Variants in TECR observed in about 807,000 individuals in gnomAD.
TECR encodes trans-2,3-enoyl-CoA reductase, also known as very-long-chain enoyl-CoA reductase.
Under a neutral mutation model 50.6 loss-of-function variants are expected in TECR, and 19 were observed. That is an observed-to-expected ratio of 0.38 (90% CI 0.26 to 0.55). The LOEUF (loss-of-function observed/expected upper bound fraction) is 0.55. TECR is among the 20% of genes least tolerant of loss of function. The pLI is 0.79. For missense variants in TECR, 313 were observed against 408.3 expected, an observed-to-expected ratio of 0.77 and a Z score of 2.01; for synonymous variants, 168 against 163.5, an observed-to-expected ratio of 1.03 and a Z score of -0.21.
chr19:14,529,623 T>A lies in TECR; in HGVS notation c.-74T>A, dbSNP rs561305115. On this transcript the variant is annotated 5_prime_UTR_variant, in exon 1 of 13. Transcript: ENST00000215567. The stretch of plus-strand genomic sequence containing the variant: ...AGTCTATCGCTGCGGTTGCGAGCGC[T>A]GTAGGGAGCCTGTGCTGTGCCGCGC... The A allele has an allele frequency of 1.2e-6, 2 of 1,610,572 alleles. No individual in the cohort carries two copies. Among genetic ancestry groups the A allele is most frequent in the Admixed American group, 1.7e-5 (1 of 60,006 alleles).
chr19:14,537,435 A>G (rs1206017825), intron 1 of TECR, among the ~76,000 whole-genome samples: 2 of 137,302 alleles, frequency 1.5e-5, no homozygotes, highest in African/African-American at 5.2e-5. Context: ...CTTCTGGACT[A>G]ACTGGTTCCT....
upstream of TECR, chr19:14,529,510 G>A (rs774759186): frequency 2.6e-6 from 2 of 768,670 alleles, no homozygotes; most frequent in South Asian, 2.9e-5. Context: ...GCCCCAAGGA[G>A]CAGGGGCGAA....
Position 14,563,324 on chromosome 19 carries a change from A to ATCCC in TECR, c.118+68_118+71dup. On this transcript the variant is annotated intron_variant, in intron 3 of 12. Coordinates refer to ENST00000215567, the MANE Select transcript of TECR (RefSeq NM_138501.6). The surrounding 1 kb of genome is among the most constrained non-coding windows in gnomAD (Gnocchi z 5.3). ...GACCAGGGACCTTAGGGTGGGAGGGATCCCATCCTGCACCCCTCTCCCAGG... is the reference window on the plus strand; with the variant it reads ...GACCAGGGACCTTAGGGTGGGAGGGATCCCTCCCATCCTGCACCCCTCTCCCAGG... The ATCCC allele has an allele frequency of 2.9e-6, 4 of 1,397,138 alleles. No homozygotes were observed. The highest frequency in any genetic ancestry group is 4.0e-6 in the Non-Finnish European group (4 of 995,884). The allele number at this position is 1,397,138 out of a possible 1,614,324, so 86.5% of individuals were successfully genotyped here.
At chr19:14,543,642 G>T (rs1340919457) in intron 1 of TECR, among the ~76,000 whole-genome samples, 1 of 149,860 alleles carries the variant, frequency 6.7e-6, no homozygotes, top group African/African-American at 2.5e-5. Context: ...GTTTCACCGT[G>T]TTAGCCAGGA....
At chr19:14,546,171 C>T (rs1277928907) in intron 1 of TECR, among the ~76,000 whole-genome samples, 1 of 152,116 alleles carries the variant, frequency 6.6e-6, no homozygotes, top group African/African-American at 2.4e-5. Flanking sequence ...GGGGGCGGCG[C>T]TGGGGGCTAC....
At chr19:14,551,979 C>CTT (rs754053975) in intron 1 of TECR, among the ~76,000 whole-genome samples, 10 of 89,714 alleles carry the variant, frequency 1.1e-4, no homozygotes, top group East Asian at 7.0e-4. Flanking sequence ...CTCTTTCTCT[C>CTT]TTTTTTTTTT....
intron 1 of TECR, among the ~76,000 whole-genome samples, chr19:14,535,524 A>T (rs1395596334): frequency 8.4e-5 from 5 of 59,270 alleles, no homozygotes; most frequent in African/African-American, 2.5e-4. Context: ...AAAAAAAAAA[A>T]AAAAAAAAAA....
chr19:14,545,048 G>C (rs1599444826), intron 1 of TECR: 1 of 456,062 alleles, frequency 2.2e-6, no homozygotes, highest in African/African-American at 2.0e-5. Flanking sequence ...GCCCTGAGTT[G>C]TTTCTAAGCC....
In TECR at chr19:14,543,744, A is replaced by G. The variant is rs895840171; in HGVS notation, c.15+14033A>G. Reference sequence around the variant, plus strand: ...TGAGCCACCGCGCCCGGCTATATATATATTTTTAAATTGAGACAGAGTCTC... The same window carrying G: ...TGAGCCACCGCGCCCGGCTATATATGTATTTTTAAATTGAGACAGAGTCTC... On this transcript the variant is annotated intron_variant, in intron 1 of 12. Transcript: ENST00000215567. Among the ~76,000 whole-genome samples the G allele has an allele frequency of 7.4e-5, 10 of 134,650 alleles. No individual in the cohort carries two copies. The Admixed American group carries it at 7.5e-4, about 10-fold the overall frequency. 88.3% of individuals were successfully genotyped at this position (134,650 alleles called of 152,430 possible). A position where few individuals can be genotyped will look rare whatever the true frequency, so the allele number is the denominator to read the frequency against.
intron 1 of TECR, among the ~76,000 whole-genome samples, chr19:14,553,016 T>C (rs34352167): frequency 0.11 from 16,858 of 152,072 alleles, 1,199 homozygotes; most frequent in African/African-American, 0.2. Context: ...GGGTGTAGGC[T>C]GTGGGTACCA....
Position 14,563,440 on chromosome 19 carries a change from TAG to T in TECR, c.118+184_118+185del. The T allele has an allele frequency of 9.8e-6, 8 of 818,124 alleles. No individual in the cohort carries two copies. In the South Asian group the frequency reaches 1.2e-4, roughly 13 times the overall value. 50.7% of individuals were successfully genotyped at this position (818,124 alleles called of 1,614,324 possible). On this transcript the variant is annotated intron_variant, in intron 3 of 12. Coordinates refer to ENST00000215567, the MANE Select transcript of TECR (RefSeq NM_138501.6). This position sits in a 1 kb window ranked among gnomAD's most constrained non-coding sequence, Gnocchi z 5.3. ...TGGCACTCCGCAGGAACGCCCTTGC[TAG>T]GCTCTGGGAAGGACAAGATCCTGCT... is the stretch of plus-strand genomic sequence containing the variant.
At chr19:14,543,720 G>A (rs948981696) in intron 1 of TECR, among the ~76,000 whole-genome samples, 5 of 150,102 alleles carry the variant, frequency 3.3e-5, no homozygotes, top group African/African-American at 1.2e-4. Flanking sequence ...TTACAGGCGT[G>A]AGCCACCGCG....
chr19:14,562,646 A>G (rs536904709), intron 2 of TECR, 71 bp downstream of exon 2: 1 of 1,575,924 alleles, frequency 6.3e-7, no homozygotes, highest in East Asian at 2.2e-5. Flanking sequence ...ATAGCCCAGG[A>G]GCTGTCCAGT....
At chr19:14,529,591 C>T (rs45556632), upstream of TECR, 4 of 1,563,048 alleles carry the variant, frequency 2.6e-6, no homozygotes, top group South Asian at 4.4e-5. Flanking sequence ...GACGCAGAGC[C>T]GCGTTTAGTC....
chr19:14,545,331 C>T (rs1212366297), intron 1 of TECR, among the ~76,000 whole-genome samples: 1 of 152,236 alleles, frequency 6.6e-6, no homozygotes, highest in Non-Finnish European at 1.5e-5. Flanking sequence ...CAGGGAGCCT[C>T]ATGCTGGCCC....
At chr19:14,554,735 C>T (rs2073657563) in intron 1 of TECR, among the ~76,000 whole-genome samples, 1 of 152,112 alleles carries the variant, frequency 6.6e-6, no homozygotes, top group African/African-American at 2.4e-5. Context: ...GCCACACCCA[C>T]TCTTCACCTC....
intron 1 of TECR, chr19:14,545,193 G>T: frequency 6.6e-6 from 3 of 456,750 alleles, no homozygotes; most frequent in South Asian, 4.6e-5. Flanking sequence ...AAAACCTAAA[G>T]CACTTGTCTT....
In TECR at chr19:14,557,929, G is replaced by T. The variant is rs191247451; in HGVS notation, c.16-4596G>T. Among the ~76,000 whole-genome samples, 257 of 151,726 alleles carry T rather than the reference G, an allele frequency of 1.7e-3. 1 individual carries two copies. Among genetic ancestry groups the T allele is most frequent in the African/African-American group, 6.1e-3 (251 of 41,376 alleles). ...CACCACCGCACCCGGCTAATTTTTT[G>T]TATTTTTAGTAGAGATGGGGTTTCA... On this transcript the variant is annotated intron_variant, in intron 1 of 12. Transcript: ENST00000215567.
At chr19:14,539,768 C>G (rs1347984101) in intron 1 of TECR, among the ~76,000 whole-genome samples, 1 of 152,142 alleles carries the variant, frequency 6.6e-6, no homozygotes, top group African/African-American at 2.4e-5. Context: ...TTCCATGTCC[C>G]CCAGAGAGAC....
Sources: gnomAD v4.1 joint callset for allele counts (sites outside exome capture counted in the v4.1 genomes callset) on GRCh38, gnomAD v4.1.1 for gene constraint, Gnocchi (gnomAD v3.1) non-coding constraint, MANE v1.5 for transcripts, NCBI Gene and HGNC (gene_info 2026-07-23, HGNC 2026-07-21) for gene names.